SGMS2: variants seen among roughly 807,000 people sequenced by gnomAD.
SGMS2 encodes sphingomyelin synthase 2, also known as phosphatidylcholine:ceramide cholinephosphotransferase 2.
A neutral mutation model predicts 43.8 loss-of-function variants in SGMS2; 21 were observed. The observed-to-expected ratio is 0.48, with a 90% CI of 0.34 to 0.69. The LOEUF is 0.69. SGMS2 is among the 30% of genes least tolerant of loss of function. The pLI is 0.01. For synonymous variants in SGMS2, 167 were observed against 160.6 expected (o/e 1.04, Z -0.30); for missense variants, 384 against 443.2 (o/e 0.87, Z 1.20).
At chr4:107,875,139 C>T (rs1457825826) in intron 2 of SGMS2, among the ~76,000 whole-genome samples, 2 of 152,156 alleles carry the variant, frequency 1.3e-5, no homozygotes, top group Non-Finnish European at 2.9e-5. Flanking sequence ...TATTTAGTCA[C>T]TCATGCAAAA....
chr4:107,886,980 A>T (rs996740224), intron 2 of SGMS2, among the ~76,000 whole-genome samples: 1 of 152,230 alleles, frequency 6.6e-6, no homozygotes, highest in African/African-American at 2.4e-5. Context: ...ACAGGAGTAT[A>T]CTTTACTCAA....
chr4:107,863,080 G>A (rs1727854438), intron 2 of SGMS2, among the ~76,000 whole-genome samples: 1 of 152,196 alleles, frequency 6.6e-6, no homozygotes, highest in Admixed American at 6.5e-5. Flanking sequence ...TGAGGAGGAA[G>A]AGTTGGGGAC....
intron 2 of SGMS2, chr4:107,873,967 C>T (rs1728728451): frequency 6.6e-6 from 1 of 152,146 alleles, no homozygotes; most frequent in South Asian, 2.1e-4. Flanking sequence ...GGCTTTATTG[C>T]AGAAACTCTT....
chr4:107,903,446 T>C, intron 5 of SGMS2, 60 bp downstream of exon 5: 2 of 1,522,180 alleles, frequency 1.3e-6, no homozygotes, highest in Non-Finnish European at 1.8e-6. Flanking sequence ...CCCTGGGCCC[T>C]GAAATTGATA....
rs1283091493 is a variant in SGMS2, at chr4:107,895,807, A to G, written c.254A>G (p.Tyr85Cys). The G allele has an allele frequency of 1.2e-6, 2 of 1,613,864 alleles. No individual in the cohort carries two copies. The highest frequency in any genetic ancestry group is 1.1e-5 in the South Asian group (1 of 91,082). Residue 85 changes from tyrosine (Y) to cysteine (C), a missense_variant, in exon 3 of 7, where the codon TAT (tyrosine) becomes TGT (cysteine). Tyr to Cys is a radical substitution (Grantham distance 194). Coordinates refer to ENST00000690982, the MANE Select transcript of SGMS2 (RefSeq NM_001375905.1). ...TGGAAAACGGGCATTGCCTTCATAT[A>G]TGCAGTTTTCAACCTCGTCTTGACA... Reference protein sequence around the residue: ...EWWKTGIAFIYAVFNLVLTTV... With the variant: ...EWWKTGIAFICAVFNLVLTTV...
chr4:107,858,792 C>T (rs764942621), intron 2 of SGMS2, among the ~76,000 whole-genome samples: 3 of 152,186 alleles, frequency 2.0e-5, no homozygotes, highest in South Asian at 2.1e-4. Flanking sequence ...GATGTTTTCT[C>T]GGTCTTGGAT....
At chr4:107,835,448 C>T (rs1034118083) in intron 1 of SGMS2, among the ~76,000 whole-genome samples, 9 of 152,048 alleles carry the variant, frequency 5.9e-5, no homozygotes, top group African/African-American at 2.2e-4. Flanking sequence ...TAAATGTGCA[C>T]GTTTGAATAA....
At chr4:107,852,141 T>C (rs1435853075) in intron 1 of SGMS2, among the ~76,000 whole-genome samples, 4 of 151,882 alleles carry the variant, frequency 2.6e-5, no homozygotes, top group Non-Finnish European at 5.9e-5. Context: ...CGATCTCGGC[T>C]CGCTGCAAGG....
At chr4:107,844,402 G>GT (rs1726693911) in intron 1 of SGMS2, among the ~76,000 whole-genome samples, 1 of 150,800 alleles carries the variant, frequency 6.6e-6, no homozygotes, top group Non-Finnish European at 1.5e-5. Context: ...GTCTAGGAGT[G>GT]TTTAAAAAAA....
At chr4:107,849,586 A>G (rs1727023004) in intron 1 of SGMS2, among the ~76,000 whole-genome samples, 1 of 152,208 alleles carries the variant, frequency 6.6e-6, no homozygotes, top group Non-Finnish European at 1.5e-5. Context: ...CTGAGGGTAC[A>G]GATGAACTGC....
intron 2 of SGMS2, among the ~76,000 whole-genome samples, chr4:107,879,232 T>G (rs1478247245): frequency 6.6e-6 from 1 of 152,090 alleles, no homozygotes; most frequent in African/African-American, 2.4e-5. Flanking sequence ...ATTACAAGTT[T>G]TTTAGAGCAC....
intron 1 of SGMS2, among the ~76,000 whole-genome samples, chr4:107,854,292 ATAAC>A (rs901104956): frequency 1.4e-4 from 22 of 152,358 alleles, no homozygotes; most frequent in South Asian, 2.1e-4. Flanking sequence ...TTTGCACCGT[ATAAC>A]TAGTCTTTTA....
At chr4:107,884,355 C>T (rs1729579914) in intron 2 of SGMS2, among the ~76,000 whole-genome samples, 3 of 152,142 alleles carry the variant, frequency 2.0e-5, no homozygotes, top group Non-Finnish European at 2.9e-5. Context: ...GGACATGAGA[C>T]TTCACAACCT....
intron 2 of SGMS2, among the ~76,000 whole-genome samples, chr4:107,885,452 T>C (rs1416217949): frequency 6.6e-6 from 1 of 152,192 alleles, no homozygotes; most frequent in Non-Finnish European, 1.5e-5. Flanking sequence ...TTAGGCTCTT[T>C]TGATGTCAAT....
At position 107,910,673 on chromosome 4, in the gene SGMS2, T is replaced by G. The variant is rs1732051550; in HGVS notation, c.*120T>G. ...AAATGAAGAAATGGACCAAATTTTG[T>G]GTAAACGATTAGAAAGATGAACAAA... On this transcript the variant is annotated 3_prime_UTR_variant, in exon 7 of 7. Coordinates refer to ENST00000690982, the MANE Select transcript of SGMS2 (RefSeq NM_001375905.1). 1 of 861,090 alleles carries G rather than the reference T, an allele frequency of 1.2e-6. No individual in the cohort carries two copies. The highest frequency in any genetic ancestry group is 1.8e-5 in the South Asian group (1 of 55,276). The allele number at this position is 861,090 out of a possible 1,614,324, so 53.3% of individuals were successfully genotyped here. A position where few individuals can be genotyped will look rare whatever the true frequency, so the allele number is the denominator to read the frequency against.
chr4:107,884,882 G>A (rs557360960), intron 2 of SGMS2, among the ~76,000 whole-genome samples: 1 of 152,258 alleles, frequency 6.6e-6, no homozygotes, highest in Admixed American at 6.5e-5. Context: ...TCATGGGTGT[G>A]CATCCTCAAC....
At chr4:107,852,452 G>A (rs1489683756) in intron 1 of SGMS2, among the ~76,000 whole-genome samples, 3 of 152,046 alleles carry the variant, frequency 2.0e-5, no homozygotes, top group Admixed American at 2.0e-4. Context: ...AGCAACTCAT[G>A]TTTATTTTAG....
At chr4:107,845,113 G>T (rs1034224526) in intron 1 of SGMS2, among the ~76,000 whole-genome samples, 2 of 152,160 alleles carry the variant, frequency 1.3e-5, no homozygotes, top group Non-Finnish European at 2.9e-5. Flanking sequence ...GAGACAAGAG[G>T]CTAGGCTGAA....
Position 107,888,664 on chromosome 4 carries a change from C to T in SGMS2, c.-244-6646C>T, listed in dbSNP as rs1235440300. Reference sequence around the variant, plus strand: ...TCTTGTATTTCCTGGTTCATTTTACCTGGTTTTATACATAACCTTTAAATA... The same window carrying T: ...TCTTGTATTTCCTGGTTCATTTTACTTGGTTTTATACATAACCTTTAAATA... On this transcript the variant is annotated intron_variant, in intron 2 of 6. Transcript: ENST00000690982. Among the ~76,000 whole-genome samples, 6 of 151,950 alleles carry T rather than the reference C, an allele frequency of 3.9e-5. No homozygotes were observed. The Middle Eastern group carries it at 0.017, about 431-fold the overall frequency.
Sources: allele counts gnomAD v4.1 joint callset (sites outside exome capture counted in the v4.1 genomes callset), GRCh38; gene constraint gnomAD v4.1.1; transcripts MANE v1.5; gene names NCBI Gene and HGNC (gene_info 2026-07-23, HGNC 2026-07-21).